OR52E4: variants seen among roughly 807,000 people sequenced by gnomAD.
OR52E4 encodes the protein olfactory receptor family 52 subfamily E member 4.
For synonymous variants in OR52E4, 169 were observed against 137.4 expected, an observed-to-expected ratio of 1.23 and a Z score of -1.61; for missense variants, 444 against 383.8, an observed-to-expected ratio of 1.16 and a Z score of -1.31.
In OR52E4 at chr11:5,884,361, C is replaced by T. The variant is rs771861092; in HGVS notation, c.69C>T (p.Asp23=). ...FFLLLGIPGL[D]TLHIWISFPF... ...TCCTGCTAGGAATACCAGGACTGGACACTTTACATATCTGGATTTCTTTCC... is the reference window on the plus strand; with the variant it reads ...TCCTGCTAGGAATACCAGGACTGGATACTTTACATATCTGGATTTCTTTCC... The change falls in exon 2 of 2, where the codon GAC becomes GAT. Residue 23 remains aspartate, a synonymous_variant. Transcript: ENST00000641726. The T allele has an allele frequency of 4.3e-5, 70 of 1,613,150 alleles. No individual in the cohort carries two copies. Among genetic ancestry groups the T allele is most frequent in the Non-Finnish European group, 5.4e-5 (64 of 1,179,450 alleles).
At chr11:5,883,887 C>G (rs1040808763) in intron 1 of OR52E4, among the ~76,000 whole-genome samples, 1 of 151,890 alleles carries the variant, frequency 6.6e-6, no homozygotes, top group Admixed American at 6.6e-5. Context: ...ACTTAGAAAA[C>G]CCCAGAGATC....
At chr11:5,884,182 C>T (rs17233457) in intron 1 of OR52E4, 37 bp from the exon 2 acceptor site, 304,919 of 759,700 alleles carry the variant, frequency 0.4, 61,962 homozygotes, top group Non-Finnish European at 0.43. Context: ...ATACCATTAC[C>T]TCTAGCACAC....
Position 5,885,808 on chromosome 11 carries a change from G to A in OR52E4, c.*577G>A, listed in dbSNP as rs1847034825. Reference sequence around the variant, plus strand: ...CTCTTTTTGTGATGGTTAATACTGAGTGTCAACTTTATTTGACTGAAGGAT... The same window carrying A: ...CTCTTTTTGTGATGGTTAATACTGAATGTCAACTTTATTTGACTGAAGGAT... On this transcript the variant is annotated 3_prime_UTR_variant, in exon 2 of 2. Coordinates refer to ENST00000641726, the MANE Select transcript of OR52E4 (RefSeq NM_001005165.2). 6.6e-6 allele frequency: 1 copy of A among 151,944 alleles called. No homozygotes were observed. The highest frequency in any genetic ancestry group is 6.6e-5 in the Admixed American group (1 of 15,226). The allele number at this position is 151,944 out of a possible 1,614,324, so 9.4% of individuals were successfully genotyped here. A position where few individuals can be genotyped will look rare whatever the true frequency, so the allele number is the denominator to read the frequency against.
At chr11:5,882,557 T>A (rs1846977128) in intron 1 of OR52E4, among the ~76,000 whole-genome samples, 1 of 152,078 alleles carries the variant, frequency 6.6e-6, no homozygotes, top group South Asian at 2.1e-4. Context: ...TCATACAGAA[T>A]GGGGAATTAT....
Position 5,884,319 on chromosome 11 carries a change from C to CT in OR52E4, c.28dup (p.Tyr10LeufsTer45). On this transcript the variant is annotated frameshift_variant, in exon 2 of 2. Transcript: ENST00000641726. LOFTEE classifies it low-confidence loss of function (END_TRUNC). Reference sequence around the variant, plus strand: ...TGCCTTCTATCAATGACACCCACTTCTATCCCCCCTTCTTCCTCCTGCTAG... The same window carrying CT: ...TGCCTTCTATCAATGACACCCACTTCTTATCCCCCCTTCTTCCTCCTGCTAG... 2 of 1,611,382 alleles carry CT rather than the reference C, an allele frequency of 1.2e-6. No individual in the cohort carries two copies. The highest frequency in any genetic ancestry group is 1.7e-6 in the Non-Finnish European group (2 of 1,178,412).
chr11:5,882,164 T>C (rs1341837377), intron 1 of OR52E4, among the ~76,000 whole-genome samples: 1 of 152,118 alleles, frequency 6.6e-6, no homozygotes, highest in African/African-American at 2.4e-5. Context: ...TTATTGGCCA[T>C]ACACTGTCTG....
rs868537360 is a variant in OR52E4, at chr11:5,885,091, C to T, written c.799C>T (p.Gln267Ter). The T allele has an allele frequency of 6.8e-6, 11 of 1,613,272 alleles. No homozygotes were observed. The Admixed American group carries it at 1.0e-4, about 15-fold the overall frequency. The change falls in exon 2 of 2, where the codon CAA becomes TAA. Residue 267 changes from glutamine (Q) to a stop codon, truncating the protein, a stop_gained. Transcript: ENST00000641726. LOFTEE classifies it low-confidence loss of function (END_TRUNC). The stretch of plus-strand genomic sequence containing the variant: ...TTCTTTTATGACACATCGTTTTGGC[C>T]AAAACATTCCCCACTATATCCATAT... ...FFSFMTHRFG[Q>*]NIPHYIHILL...
chr11:5,884,853 C>T lies in OR52E4; in HGVS notation c.561C>T (p.Ala187=), dbSNP rs199681194. The change falls in exon 2 of 2, where the codon GCC becomes GCT. Residue 187 remains alanine (A), a synonymous_variant. Coordinates refer to ENST00000641726, the MANE Select transcript of OR52E4 (RefSeq NM_001005165.2). ...CATACTGTGAGCACAGGGGTCTGGC[C>T]GGGTTGGCCTGTGCACCCATTAAGA... is the stretch of plus-strand genomic sequence containing the variant. The part of the protein sequence containing the change: ...PHTYCEHRGL[A]GLACAPIKIN... 1.9e-6 allele frequency: 3 copies of T among 1,613,192 alleles called. No homozygotes were observed. In the African/African-American group the frequency reaches 4.0e-5, roughly 22 times the overall value.
rs534590536 is a variant in OR52E4, at chr11:5,881,984, T to TA, written c.-75+1278dup. Among the ~76,000 whole-genome samples, 1,010 of 151,848 alleles carry TA rather than the reference T, an allele frequency of 6.7e-3. 1 individual carries two copies. The highest frequency in any genetic ancestry group is 0.012 in the Non-Finnish European group (799 of 67,908). On this transcript the variant is annotated intron_variant, in intron 1 of 1. Coordinates refer to ENST00000641726, the MANE Select transcript of OR52E4 (RefSeq NM_001005165.2). ...GCAAAAAAATAAAAATCCAACAAAG[T>TA]AAAAAAAATCACAAGTTCAAAATGT...
At position 5,884,530 on chromosome 11, in the gene OR52E4, A is replaced by G. The variant is rs781154020; in HGVS notation, c.238A>G (p.Ile80Val). 1.2e-6 allele frequency: 2 copies of G among 1,613,444 alleles called. No homozygotes were observed. Among genetic ancestry groups the G allele is most frequent in the Middle Eastern group, 1.7e-4 (1 of 6,052 alleles). The change falls in exon 2 of 2, where the codon ATC becomes GTC. Residue 80 changes from isoleucine (I) to valine (V), a missense_variant. Ile to Val is a conservative substitution (Grantham distance 29, BLOSUM62 3). Transcript: ENST00000641726. The part of the protein sequence containing the change: ...MIDLGLSTST[I>V]PKMLGIFWFN... ...TGATCTGGGTCTGTCCACATCCACTATCCCCAAAATGCTAGGAATCTTCTG... is the reference window on the plus strand; with the variant it reads ...TGATCTGGGTCTGTCCACATCCACTGTCCCCAAAATGCTAGGAATCTTCTG...
At chr11:5,882,016 T>C (rs1846969243) in intron 1 of OR52E4, among the ~76,000 whole-genome samples, 1 of 152,096 alleles carries the variant, frequency 6.6e-6, no homozygotes, top group African/African-American at 2.4e-5. Context: ...ATGTGAACTT[T>C]GGTGAGCACA....
intron 1 of OR52E4, among the ~76,000 whole-genome samples, chr11:5,882,464 T>G (rs1267058811): frequency 6.6e-6 from 1 of 152,034 alleles, no homozygotes; most frequent in Non-Finnish European, 1.5e-5. Context: ...GCCTGGCATC[T>G]TTTCCTCAAT....
intron 1 of OR52E4, among the ~76,000 whole-genome samples, chr11:5,882,129 T>G (rs1590392954): frequency 6.6e-6 from 1 of 152,168 alleles, no homozygotes; most frequent in African/African-American, 2.4e-5. Context: ...ACTTAATAAT[T>G]TGCCCTCAAA....
intron 1 of OR52E4, among the ~76,000 whole-genome samples, chr11:5,882,071 G>T (rs373011343): frequency 8.5e-5 from 13 of 152,138 alleles, no homozygotes; most frequent in African/African-American, 3.1e-4. Context: ...CTTTTCAGAT[G>T]GACTCCAGTA....
chr11:5,885,928 C>G lies in OR52E4; in HGVS notation c.*697C>G, dbSNP rs982832122. ...TGGGAAAGGCAGACCCACCTTCAATCTGGGTGGGCACCATCTAATCAGCTG... is the reference window on the plus strand; with the variant it reads ...TGGGAAAGGCAGACCCACCTTCAATGTGGGTGGGCACCATCTAATCAGCTG... On this transcript the variant is annotated 3_prime_UTR_variant, in exon 2 of 2. Transcript: ENST00000641726. 6.6e-6 allele frequency: 1 copy of G among 152,094 alleles called. No homozygotes were observed. 9.4% of individuals were successfully genotyped at this position (152,094 alleles called of 1,614,324 possible).
rs1471243996 is a variant in OR52E4, at chr11:5,884,842, A to G, written c.550A>G (p.Arg184Gly). 11 of 1,613,316 alleles carry G rather than the reference A, an allele frequency of 6.8e-6. No individual in the cohort carries two copies. The highest frequency in any genetic ancestry group is 9.3e-6 in the Non-Finnish European group (11 of 1,179,644). The change falls in exon 2 of 2, where the codon AGG (arginine) becomes GGG (glycine). Residue 184 changes from arginine to glycine, a missense_variant. Coordinates refer to ENST00000641726, the MANE Select transcript of OR52E4 (RefSeq NM_001005165.2). Reference sequence around the variant, plus strand: ...CGTACCTCACACATACTGTGAGCACAGGGGTCTGGCCGGGTTGGCCTGTGC... The same window carrying G: ...CGTACCTCACACATACTGTGAGCACGGGGGTCTGGCCGGGTTGGCCTGTGC... ...NIVPHTYCEH[R>G]GLAGLACAPI...
chr11:5,883,306 A>G (rs1846989570), intron 1 of OR52E4, among the ~76,000 whole-genome samples: 1 of 152,076 alleles, frequency 6.6e-6, no homozygotes, highest in Non-Finnish European at 1.5e-5. Flanking sequence ...CATAATAGAA[A>G]TGCACTTATC....
intron 1 of OR52E4, among the ~76,000 whole-genome samples, chr11:5,881,397 T>C (rs1347693168): frequency 1.3e-5 from 2 of 152,156 alleles, no homozygotes; most frequent in Non-Finnish European, 2.9e-5. Context: ...TATCCATTCA[T>C]CAACTGCTTT....
chr11:5,881,464 T>C (rs1046137642), intron 1 of OR52E4, among the ~76,000 whole-genome samples: 4 of 152,148 alleles, frequency 2.6e-5, no homozygotes, highest in Admixed American at 1.3e-4. Flanking sequence ...GTTTCTTTTC[T>C]AAATGAGCAG....
Sources: gnomAD v4.1 joint callset for allele counts (sites outside exome capture counted in the v4.1 genomes callset) on GRCh38, gnomAD v4.1.1 for gene constraint, MANE v1.5 for transcripts, NCBI Gene and HGNC (gene_info 2026-07-23, HGNC 2026-07-21) for gene names.